SRCIN1: variants seen among roughly 807,000 people sequenced by gnomAD.
SRCIN1 encodes P130Cas-associated protein.
In SRCIN1, 50 loss-of-function variants were observed where a neutral mutation model predicts 116.2. That is an observed-to-expected ratio of 0.43 (90% CI 0.34 to 0.54). SRCIN1 has a LOEUF of 0.54. Among genes scored for constraint, SRCIN1 ranks in the 20% least tolerant of loss-of-function variants. The pLI, the probability that SRCIN1 is intolerant of heterozygous loss-of-function variation, is 0.02. For synonymous variants in SRCIN1, 736 were observed against 750.0 expected, an observed-to-expected ratio of 0.98 and a Z score of 0.30; for missense variants, 1,446 against 1,672.0, an observed-to-expected ratio of 0.86 and a Z score of 2.36.
intron 2 of SRCIN1, among the ~76,000 whole-genome samples, chr17:38,569,972 C>T (rs7224688): frequency 0.026 from 3,975 of 152,188 alleles, 186 homozygotes; most frequent in African/African-American, 0.089. Flanking sequence ...GGTGATGGAC[C>T]GCTCTGCAGA....
chr17:38,544,011 G>A lies in SRCIN1; in HGVS notation c.3271-42C>T, dbSNP rs1904923569. On this transcript the variant is annotated intron_variant, in intron 17 of 18. Coordinates refer to ENST00000617146, the MANE Select transcript of SRCIN1 (RefSeq NM_025248.3). This position sits in a 1 kb window ranked among gnomAD's most constrained non-coding sequence, Gnocchi z 4.5. ...AGGGTTGCAGTTGCAGAGTCCACATGGGGTGAATCACACAGGAACCCTAGC... is the reference window on the plus strand; with the variant it reads ...AGGGTTGCAGTTGCAGAGTCCACATAGGGTGAATCACACAGGAACCCTAGC... 6.5e-7 allele frequency: 1 copy of A among 1,538,726 alleles called. No homozygotes were observed. The highest frequency in any genetic ancestry group is 1.4e-5 in the African/African-American group (1 of 73,622).
chr17:38,536,266 C>T (rs892381698), intron 18 of SRCIN1, among the ~76,000 whole-genome samples: 3 of 152,260 alleles, frequency 2.0e-5, no homozygotes, highest in Non-Finnish European at 2.9e-5. Flanking sequence ...CAGCTGTGCC[C>T]GGTGACCCCA....
chr17:38,557,527 T>C (rs1905887498), intron 11 of SRCIN1, among the ~76,000 whole-genome samples: 1 of 151,688 alleles, frequency 6.6e-6, no homozygotes, highest in Non-Finnish European at 1.5e-5. Flanking sequence ...GCAGGGTGGG[T>C]GCTCACTCCC....
chr17:38,536,557 C>A (rs1904393815), intron 18 of SRCIN1, among the ~76,000 whole-genome samples: 1 of 152,212 alleles, frequency 6.6e-6, no homozygotes. Flanking sequence ...GTTCCCGAGG[C>A]CCTTCACATT....
intron 1 of SRCIN1, among the ~76,000 whole-genome samples, chr17:38,581,339 G>A (rs1330935800): frequency 1.3e-5 from 2 of 150,792 alleles, no homozygotes; most frequent in Non-Finnish European, 2.9e-5. Context: ...CCGGGAGGCA[G>A]AGGTTGCAGT....
At chr17:38,577,878 G>A (rs1907511227) in intron 2 of SRCIN1, among the ~76,000 whole-genome samples, 1 of 152,148 alleles carries the variant, frequency 6.6e-6, no homozygotes, top group African/African-American at 2.4e-5. Flanking sequence ...CCTACTGATG[G>A]CAGGAGAGAT....
At chr17:38,539,505 G>A (rs1296707381) in intron 18 of SRCIN1, among the ~76,000 whole-genome samples, 4 of 152,126 alleles carry the variant, frequency 2.6e-5, no homozygotes, top group Non-Finnish European at 5.9e-5. Flanking sequence ...TGAGAGAGAG[G>A]TAGGTGGGGT....
chr17:38,554,208 C>T (rs1905635048), intron 11 of SRCIN1, among the ~76,000 whole-genome samples: 2 of 147,942 alleles, frequency 1.4e-5, no homozygotes, highest in South Asian at 2.1e-4. Flanking sequence ...GGGACTCTGT[C>T]TCAAAAAAAA....
chr17:38,560,218 G>C (rs1259948141), intron 8 of SRCIN1, 115 bp downstream of exon 8: 2 of 1,395,916 alleles, frequency 1.4e-6, no homozygotes, highest in Non-Finnish European at 9.7e-7. Context: ...TCCCAGAGAA[G>C]GGAAGGGATT....
At chr17:38,567,209 T>C (rs767364179) in intron 3 of SRCIN1, among the ~76,000 whole-genome samples, 8 of 152,232 alleles carry the variant, frequency 5.3e-5, no homozygotes, top group Non-Finnish European at 8.8e-5. Flanking sequence ...CCGGCCTTTT[T>C]TCCCTATCTT....
At chr17:38,594,639 C>T (rs997572276) in intron 1 of SRCIN1, among the ~76,000 whole-genome samples, 4 of 152,124 alleles carry the variant, frequency 2.6e-5, no homozygotes, top group Non-Finnish European at 5.9e-5. Flanking sequence ...ACTACTTTTT[C>T]TTTACTCTTC....
Position 38,548,771 on chromosome 17 carries a change from C to A in SRCIN1, c.3118-62G>T, listed in dbSNP as rs138563117. On this transcript the variant is annotated intron_variant, in intron 16 of 18. Transcript: ENST00000617146. Reference sequence around the variant, plus strand: ...GCCCCACTTCAGCACCAGCTCACCTCCCAGGCCCCATCGCCCATGTACCCC... The same window carrying A: ...GCCCCACTTCAGCACCAGCTCACCTACCAGGCCCCATCGCCCATGTACCCC... The A allele has an allele frequency of 7.4e-4, 1,090 of 1,479,448 alleles. 7 individuals are homozygous for A. The African/African-American group carries it at 0.014, about 19-fold the overall frequency. The allele number at this position is 1,479,448 out of a possible 1,614,324, so 91.6% of individuals were successfully genotyped here.
intron 1 of SRCIN1, among the ~76,000 whole-genome samples, chr17:38,595,958 C>G (rs1324440608): frequency 6.6e-6 from 1 of 152,216 alleles, no homozygotes; most frequent in Admixed American, 6.5e-5. Flanking sequence ...GGATAGCCCC[C>G]TCTCCGTTTC....
In SRCIN1 at chr17:38,548,717, G is replaced by C. The variant is rs937319541; in HGVS notation, c.3118-8C>G. On this transcript the variant is annotated splice_region_variant and splice_polypyrimidine_tract_variant and intron_variant, in intron 16 of 18. Transcript: ENST00000617146. ...CTCCTCGGACTCAGCCTTCTGCAAG[G>C]CCCGGGACTCCTGTCAAGGCCAGGC... 1 of 1,583,126 alleles carries C rather than the reference G, an allele frequency of 6.3e-7. No homozygotes were observed. Among genetic ancestry groups the C allele is most frequent in the South Asian group, 1.2e-5 (1 of 86,244 alleles).
At chr17:38,576,467 C>A (rs1273858589) in intron 2 of SRCIN1, among the ~76,000 whole-genome samples, 1 of 152,026 alleles carries the variant, frequency 6.6e-6, no homozygotes, top group African/African-American at 2.4e-5. Context: ...TTTCCCCAAA[C>A]ATCATGGGCT....
intron 1 of SRCIN1, among the ~76,000 whole-genome samples, chr17:38,594,108 C>T (rs1039417247): frequency 2.0e-5 from 3 of 152,234 alleles, no homozygotes; most frequent in Non-Finnish European, 4.4e-5. Flanking sequence ...GCCTGGTTCA[C>T]TGCCCCTGAG....
intron 11 of SRCIN1, among the ~76,000 whole-genome samples, chr17:38,555,633 T>A (rs938488380): frequency 1.3e-5 from 2 of 152,186 alleles, no homozygotes; most frequent in African/African-American, 4.8e-5. Flanking sequence ...ACTAGTTAGT[T>A]CAAGGTCATA....
intron 1 of SRCIN1, among the ~76,000 whole-genome samples, chr17:38,582,101 G>A (rs1329145260): frequency 6.6e-6 from 1 of 152,198 alleles, no homozygotes; most frequent in African/African-American, 2.4e-5. Flanking sequence ...CCTTATGCCA[G>A]AGATCCAGGC....
chr17:38,535,563 G>C (rs1190411826), intron 18 of SRCIN1, among the ~76,000 whole-genome samples: 1 of 152,014 alleles, frequency 6.6e-6, no homozygotes, highest in Non-Finnish European at 1.5e-5. Context: ...GGGAGTTCTA[G>C]GGGGTCCAGG....
Sources: gnomAD v4.1 joint callset for allele counts (sites outside exome capture counted in the v4.1 genomes callset) on GRCh38, gnomAD v4.1.1 for gene constraint, Gnocchi (gnomAD v3.1) non-coding constraint, MANE v1.5 for transcripts, NCBI Gene and HGNC (gene_info 2026-07-23, HGNC 2026-07-21) for gene names.